MSRA: variants seen among roughly 807,000 people sequenced by gnomAD.
MSRA encodes the protein methionine sulfoxide reductase A.
A neutral mutation model predicts 31.3 loss-of-function variants in MSRA; 54 were observed. The observed-to-expected ratio is 1.73, with a 90% CI of 1.39 to 2.17. MSRA has a LOEUF of 2.17. MSRA is among the 30% of genes most tolerant of loss of function. The probability of loss-of-function intolerance (pLI) is 0.00; values close to 1 mark genes in which losing one functional copy is unlikely to be tolerated. For synonymous variants in MSRA, 169 were observed against 116.5 expected (o/e 1.45, Z -2.90); for missense variants, 507 against 300.9 (o/e 1.69, Z -5.07).
intron 2 of MSRA, 39 bp downstream of exon 2, chr8:10,207,940 C>G (rs746569778): frequency 4.0e-5 from 62 of 1,542,464 alleles, no homozygotes; most frequent in Admixed American, 5.3e-5. Flanking sequence ...AAATTGTGTG[C>G]AAAGACTAGT....
intron 1 of MSRA, among the ~76,000 whole-genome samples, chr8:10,191,607 C>T (rs544050802): frequency 6.6e-6 from 1 of 152,140 alleles, no homozygotes; most frequent in Non-Finnish European, 1.5e-5. Flanking sequence ...TTTAGCAATG[C>T]CAGCACACGA....
At chr8:10,426,505 C>T (rs1809174311) in intron 5 of MSRA, among the ~76,000 whole-genome samples, 1 of 152,244 alleles carries the variant, frequency 6.6e-6, no homozygotes, top group Admixed American at 6.5e-5. Flanking sequence ...GTCCTGCGCT[C>T]ATCCTCACAG....
chr8:10,093,006 C>T (rs1027631422), intron 1 of MSRA, among the ~76,000 whole-genome samples: 1 of 152,114 alleles, frequency 6.6e-6, no homozygotes, highest in Non-Finnish European at 1.5e-5. Flanking sequence ...CATTCTAGCT[C>T]TCTTGGGGTT....
chr8:10,096,043 C>G (rs917461647), intron 1 of MSRA: 1 of 1,437,698 alleles, frequency 7.0e-7, no homozygotes, highest in Non-Finnish European at 9.2e-7. Flanking sequence ...GTGTTCAGAA[C>G]GTAAGTTTTT....
At chr8:10,094,059 A>G (rs1384386239) in intron 1 of MSRA, among the ~76,000 whole-genome samples, 1 of 152,198 alleles carries the variant, frequency 6.6e-6, no homozygotes, top group South Asian at 2.1e-4. Flanking sequence ...TTGGCTATTA[A>G]CAGGTTATTG....
intron 1 of MSRA, among the ~76,000 whole-genome samples, chr8:10,066,860 T>A (rs1012387817): frequency 6.6e-6 from 1 of 151,448 alleles, no homozygotes; most frequent in African/African-American, 2.4e-5. Flanking sequence ...TAGTATGTTC[T>A]TTTATCTTAA....
intron 3 of MSRA, among the ~76,000 whole-genome samples, chr8:10,279,516 C>G (rs139799721): frequency 7.2e-5 from 11 of 152,296 alleles, no homozygotes; most frequent in South Asian, 2.1e-4. Context: ...CCCTACCCCC[C>G]ACACGCCTTC....
At chr8:10,232,462 T>C (rs1425210461) in intron 2 of MSRA, among the ~76,000 whole-genome samples, 2 of 152,230 alleles carry the variant, frequency 1.3e-5, no homozygotes, top group Non-Finnish European at 2.9e-5. Context: ...CCATAGGACA[T>C]GTCAGATCTG....
chr8:10,381,020 G>GA (rs923245288), intron 5 of MSRA, among the ~76,000 whole-genome samples: 4 of 151,944 alleles, frequency 2.6e-5, no homozygotes, highest in Admixed American at 2.0e-4. Flanking sequence ...TTTATGGATA[G>GA]AAAATGGATG....
chr8:10,260,472 C>T lies in MSRA; in HGVS notation c.331+15249C>T, dbSNP rs538552964. 5.8e-4 allele frequency among the ~76,000 whole-genome samples: 88 copies of T among 152,228 alleles called. 1 individual carries two copies. Among genetic ancestry groups the T allele is most frequent in the African/African-American group, 1.7e-3 (72 of 41,528 alleles). On this transcript the variant is annotated intron_variant, in intron 3 of 5. Transcript: ENST00000317173. ...GACTCTAGCGGCACACGTACACAAG[C>T]GAGGCAGCACGCAGAGTTGACAGGC... is the stretch of plus-strand genomic sequence containing the variant.
intron 2 of MSRA, among the ~76,000 whole-genome samples, chr8:10,212,325 T>C (rs944582677): frequency 1.3e-5 from 2 of 152,228 alleles, no homozygotes; most frequent in African/African-American, 4.8e-5. Flanking sequence ...TGGAGGGTTT[T>C]AGGCAATTAG....
chr8:10,416,805 G>A (rs1010736385), intron 5 of MSRA, among the ~76,000 whole-genome samples: 1 of 152,182 alleles, frequency 6.6e-6, no homozygotes, highest in Non-Finnish European at 1.5e-5. Flanking sequence ...GAGGAGCAAG[G>A]GCAGAGCTGT....
At chr8:10,224,345 G>A (rs1471027512) in intron 2 of MSRA, among the ~76,000 whole-genome samples, 4 of 152,174 alleles carry the variant, frequency 2.6e-5, no homozygotes, top group African/African-American at 9.7e-5. Flanking sequence ...GCATGAGGGT[G>A]TGAGACAAGA....
At chr8:10,166,334 A>C (rs552279606) in intron 1 of MSRA, among the ~76,000 whole-genome samples, 1 of 152,246 alleles carries the variant, frequency 6.6e-6, no homozygotes, top group Admixed American at 6.5e-5. Context: ...GTGTATGTGC[A>C]TGTGTGTTTT....
chr8:10,366,531 G>A (rs1464835481), intron 5 of MSRA, among the ~76,000 whole-genome samples: 2 of 152,218 alleles, frequency 1.3e-5, no homozygotes, highest in Non-Finnish European at 2.9e-5. Context: ...TTGATGTGAG[G>A]GTCAGCGATG....
At chr8:10,115,778 C>T (rs1383561244) in intron 1 of MSRA, among the ~76,000 whole-genome samples, 1 of 152,222 alleles carries the variant, frequency 6.6e-6, no homozygotes, top group Non-Finnish European at 1.5e-5. Context: ...ATCTTAGTCA[C>T]TGCTGTATCC....
At chr8:10,067,728 G>T (rs1189704802) in intron 1 of MSRA, among the ~76,000 whole-genome samples, 1 of 152,006 alleles carries the variant, frequency 6.6e-6, no homozygotes, top group African/African-American at 2.4e-5. Context: ...ACATTTAGTG[G>T]GATCTCATTG....
chr8:10,321,692 G>A (rs76083502), intron 5 of MSRA, among the ~76,000 whole-genome samples: 2,698 of 152,246 alleles, frequency 0.018, 43 homozygotes, highest in Middle Eastern at 0.027. Flanking sequence ...CTGTTACCGC[G>A]TGAGAGATGG....
intron 5 of MSRA, among the ~76,000 whole-genome samples, chr8:10,369,180 A>T (rs757480635): frequency 8.4e-4 from 128 of 152,126 alleles, no homozygotes; most frequent in Non-Finnish European, 1.4e-3. Context: ...GTTCAATATT[A>T]TATTAAGTAT....
Sources: allele counts gnomAD v4.1 joint callset (sites outside exome capture counted in the v4.1 genomes callset), GRCh38; gene constraint gnomAD v4.1.1; transcripts MANE v1.5; gene names NCBI Gene and HGNC (gene_info 2026-07-23, HGNC 2026-07-21).